ABHD3: variants seen among roughly 807,000 people sequenced by gnomAD.
The protein encoded by ABHD3 is phospholipase ABHD3.
Under a neutral mutation model 48.8 loss-of-function variants are expected in ABHD3, and 46 were observed. The ratio of observed to expected loss-of-function variants is 0.94; its 90% confidence interval spans 0.74 to 1.20. The LOEUF is 1.20. Ranked by LOEUF, ABHD3 falls within the 50% of genes most tolerant of loss-of-function variation. ABHD3 has a pLI of 0.00. For missense variants in ABHD3, 490 were observed against 497.8 expected (o/e 0.98, Z 0.15); for synonymous variants, 192 against 183.7 (o/e 1.04, Z -0.36).
intron 3 of ABHD3, among the ~76,000 whole-genome samples, chr18:21,699,080 G>C (rs533781556): frequency 5.2e-4 from 79 of 151,782 alleles, no homozygotes; most frequent in Admixed American, 1.2e-3. Flanking sequence ...GATTACAGGC[G>C]CACACCACTA....
intron 4 of ABHD3, among the ~76,000 whole-genome samples, chr18:21,682,744 C>A (rs930213945): frequency 2.6e-5 from 4 of 152,206 alleles, no homozygotes; most frequent in African/African-American, 9.7e-5. Flanking sequence ...TCTTCCCCCC[C>A]GGCTTTGTGT....
At chr18:21,656,017 A>G (rs949296481) in intron 8 of ABHD3, among the ~76,000 whole-genome samples, 17 of 151,836 alleles carry the variant, frequency 1.1e-4, no homozygotes, top group African/African-American at 2.9e-4. Context: ...TTAGCCAGGC[A>G]TGATGGCGGG....
intron 4 of ABHD3, among the ~76,000 whole-genome samples, chr18:21,669,888 G>T (rs2039717893): frequency 6.6e-6 from 1 of 152,090 alleles, no homozygotes; most frequent in South Asian, 2.1e-4. Flanking sequence ...GGGCCCTGAA[G>T]CAAGGATGTG....
At chr18:21,652,524 C>T (rs1375141761) in intron 8 of ABHD3, among the ~76,000 whole-genome samples, 6 of 152,150 alleles carry the variant, frequency 3.9e-5, no homozygotes, top group Admixed American at 3.9e-4. Context: ...TGCCTGTAAT[C>T]CCAGCACTTT....
intron 4 of ABHD3, among the ~76,000 whole-genome samples, chr18:21,665,456 T>C (rs1320995007): frequency 6.6e-6 from 1 of 151,888 alleles, no homozygotes; most frequent in Non-Finnish European, 1.5e-5. Context: ...CCCAGGCTGG[T>C]CTCAAATTCC....
rs2040600242 is a variant in ABHD3 at position 21,704,714 on chromosome 18, G to A, written c.-49C>T. 4 of 1,210,744 alleles carry A rather than the reference G, an allele frequency of 3.3e-6. No homozygotes were observed. The highest frequency in any genetic ancestry group is 2.2e-5 in the South Asian group (1 of 45,464). 75.0% of individuals were successfully genotyped at this position (1,210,744 alleles called of 1,614,324 possible). On this transcript the variant is annotated 5_prime_UTR_variant, in exon 1 of 9. Transcript: ENST00000289119. ...TCCTGCGGCGGGAGGAGAGCCGGCT[G>A]GCGAGCGGGCGAGAGCGGGCGAGAG...
At chr18:21,653,748 A>T (rs2146275690) in intron 8 of ABHD3, among the ~76,000 whole-genome samples, 1 of 152,024 alleles carries the variant, frequency 6.6e-6, no homozygotes, top group East Asian at 1.9e-4. Context: ...AAAAAAAAAA[A>T]AAAAAAAGCC....
intron 5 of ABHD3, 122 bp from the exon 6 acceptor site, chr18:21,659,465 C>T: frequency 1.1e-6 from 1 of 913,828 alleles, no homozygotes; most frequent in Non-Finnish European, 1.6e-6. Context: ...TGTTTAAGTC[C>T]TCTATCCTGG....
intron 4 of ABHD3, among the ~76,000 whole-genome samples, chr18:21,676,375 A>C (rs942331998): frequency 2.0e-5 from 3 of 152,186 alleles, no homozygotes; most frequent in African/African-American, 7.2e-5. Flanking sequence ...TAAATACATA[A>C]AATTTTTGTC....
chr18:21,702,255 G>A (rs1051198815), intron 3 of ABHD3, 61 bp downstream of exon 3: 168 of 1,334,838 alleles, frequency 1.3e-4, no homozygotes, highest in Non-Finnish European at 1.7e-4. Context: ...CAAACATGTA[G>A]ATATATTTGT....
In ABHD3 at chr18:21,703,653, C is replaced by A; in HGVS notation, c.257G>T (p.Cys86Phe). ...VTETYYPTVW[C>F]WEGRGQTLLR... Reference sequence around the variant, plus strand: ...CAGGGTCTGTCCTCGACCCTCCCAGCACCAGACCGTCGGGTAGTACGTTTC... The same window carrying A: ...CAGGGTCTGTCCTCGACCCTCCCAGAACCAGACCGTCGGGTAGTACGTTTC... The change falls in exon 2 of 9, where the codon TGC (cysteine) becomes TTC (phenylalanine). Residue 86 changes from cysteine to phenylalanine, a missense_variant. Transcript: ENST00000289119. The A allele has an allele frequency of 6.2e-7, 1 of 1,614,138 alleles. No individual in the cohort carries two copies. Among genetic ancestry groups the A allele is most frequent in the Non-Finnish European group, 8.5e-7 (1 of 1,180,024 alleles).
rs186249276 is a variant in ABHD3, at chr18:21,657,147, C to T, written c.848G>A (p.Arg283Gln). ...TCLQSSVNKH[R>Q]HMFVKQVDMD... ...ATCAACTTGTTTTACAAACATATGT[C>T]GGTGCCTGGAACAAAAGAATTTCGG... Residue 283 changes from arginine to glutamine, a missense_variant, in exon 7 of 9, where the codon CGA becomes CAA. Transcript: ENST00000289119. The T allele has an allele frequency of 3.0e-4, 479 of 1,605,524 alleles. 3 individuals carry two copies. The highest frequency in any genetic ancestry group is 3.4e-4 in the Middle Eastern group (2 of 5,948).
intron 3 of ABHD3, among the ~76,000 whole-genome samples, chr18:21,692,044 G>A (rs2040263503): frequency 6.6e-6 from 1 of 152,154 alleles, no homozygotes; most frequent in South Asian, 2.1e-4. Context: ...CTGTCTCCCA[G>A]GTTCAAACGG....
At chr18:21,697,632 C>T (rs539878726) in intron 3 of ABHD3, among the ~76,000 whole-genome samples, 4 of 152,312 alleles carry the variant, frequency 2.6e-5, no homozygotes, top group South Asian at 2.1e-4. Context: ...CCACCCGCCT[C>T]GGCCTCCCAA....
chr18:21,651,388 G>T lies in ABHD3; in HGVS notation c.*203C>A. The stretch of plus-strand genomic sequence containing the variant: ...AAGGCATAGTAAAAATAAAATCTAC[G>T]TAAGTAACAATCTAATACTATATTT... On this transcript the variant is annotated 3_prime_UTR_variant, in exon 9 of 9. Coordinates refer to ENST00000289119, the MANE Select transcript of ABHD3 (RefSeq NM_138340.5). The T allele has an allele frequency of 2.3e-6, 1 of 439,976 alleles. No individual in the cohort carries two copies. 27.3% of individuals were successfully genotyped at this position (439,976 alleles called of 1,614,324 possible). A position where few individuals can be genotyped will look rare whatever the true frequency, so the allele number is the denominator to read the frequency against.
chr18:21,690,776 C>T (rs1249394724), intron 3 of ABHD3, among the ~76,000 whole-genome samples: 2 of 151,714 alleles, frequency 1.3e-5, no homozygotes, highest in Admixed American at 1.3e-4. Context: ...AGGTGGATCA[C>T]CTGAGGTCAG....
At chr18:21,663,614 T>TA in intron 5 of ABHD3, 1 of 1,489,166 alleles carries the variant, frequency 6.7e-7, no homozygotes, top group Non-Finnish European at 9.0e-7. Context: ...TTTCAGTTTC[T>TA]AGGAGAGCAC....
At chr18:21,681,739 A>G (rs985016879) in intron 4 of ABHD3, among the ~76,000 whole-genome samples, 1 of 152,246 alleles carries the variant, frequency 6.6e-6, no homozygotes, top group Non-Finnish European at 1.5e-5. Flanking sequence ...ATAATGGTCA[A>G]AAACATAAGC....
chr18:21,670,326 T>C (rs1257108374), intron 4 of ABHD3, among the ~76,000 whole-genome samples: 4 of 152,156 alleles, frequency 2.6e-5, no homozygotes, highest in African/African-American at 9.7e-5. Context: ...CAAGGCCTTT[T>C]TGCCTCTCAC....
Sources: allele counts gnomAD v4.1 joint callset (sites outside exome capture counted in the v4.1 genomes callset), GRCh38; gene constraint gnomAD v4.1.1; transcripts MANE v1.5; gene names NCBI Gene and HGNC (gene_info 2026-07-23, HGNC 2026-07-21).